Variants in NFIC observed in about 807,000 individuals in gnomAD.
The protein encoded by NFIC is nuclear factor I C.
NFIC carries 12 observed loss-of-function variants against 54.4 expected under a neutral mutation model. The ratio of observed to expected loss-of-function variants is 0.22; its 90% confidence interval spans 0.14 to 0.36. NFIC has a LOEUF of 0.36. Ranked by LOEUF, NFIC falls within the 10% of genes least tolerant of loss-of-function variation. NFIC has a pLI of 1.00. For missense variants in NFIC, 575 were observed against 718.2 expected (o/e 0.80, Z 2.28); for synonymous variants, 322 against 319.2 (o/e 1.01, Z -0.09).
intron 2 of NFIC, among the ~76,000 whole-genome samples, chr19:3,422,000 G>A (rs1167145319): frequency 3.3e-5 from 5 of 152,022 alleles, no homozygotes; most frequent in African/African-American, 1.2e-4. Flanking sequence ...ATAATGGCGC[G>A]ATCTTGGCTC....
Position 3,366,622 on chromosome 19 carries a change from C to A in NFIC, c.-15C>A. The stretch of plus-strand genomic sequence containing the variant: ...GCCCGCTCCGGCCGGCCCTGCGCCT[C>A]CCGCCGCGCCCGGGATGTATTCGTC... On this transcript the variant is annotated 5_prime_UTR_variant, in exon 1 of 11. Coordinates refer to ENST00000443272, the MANE Select transcript of NFIC (RefSeq NM_001245002.2). 6.7e-7 allele frequency: 1 copy of A among 1,501,020 alleles called. No individual in the cohort carries two copies. The highest frequency in any genetic ancestry group is 2.7e-5 in the East Asian group (1 of 36,728). The allele number at this position is 1,501,020 out of a possible 1,614,324, so 93.0% of individuals were successfully genotyped here.
chr19:3,456,850 C>T, intron 10 of NFIC: 1 of 592,856 alleles, frequency 1.7e-6, no homozygotes, highest in Non-Finnish European at 3.0e-6. Context: ...TGGGGTGTGG[C>T]CCCAGACTCA....
chr19:3,434,980 T>A, intron 5 of NFIC, 103 bp from the exon 6 acceptor site: 2 of 1,395,302 alleles, frequency 1.4e-6, no homozygotes, highest in Non-Finnish European at 1.9e-6. Context: ...ACTACCTCCC[T>A]CGCCCCCGCT....
chr19:3,431,846 A>G (rs970439218), intron 3 of NFIC, among the ~76,000 whole-genome samples: 4 of 152,182 alleles, frequency 2.6e-5, no homozygotes, highest in African/African-American at 9.7e-5. Flanking sequence ...TGGCTAGACC[A>G]CGCTGTGTTT....
chr19:3,359,981 G>A (rs866820404), intron 1 of NFIC, among the ~76,000 whole-genome samples: 5 of 149,958 alleles, frequency 3.3e-5, no homozygotes, highest in Middle Eastern at 3.5e-3. Context: ...GAAGGCCCCC[G>A]CAACCCCAGG....
rs1264114806 is a variant in NFIC, at chr19:3,370,129, G to A, written c.30+3463G>A. Reference sequence around the variant, plus strand: ...GCTTGGGGGGTGCCTACCAGGAGCAGGGGGCCTGCAGCCCCTCAGTGCCGG... The same window carrying A: ...GCTTGGGGGGTGCCTACCAGGAGCAAGGGGCCTGCAGCCCCTCAGTGCCGG... On this transcript the variant is annotated intron_variant, in intron 1 of 10. Coordinates refer to ENST00000443272, the MANE Select transcript of NFIC (RefSeq NM_001245002.2). This position sits in a 1 kb window ranked among gnomAD's most constrained non-coding sequence, Gnocchi z 5.2. Among the ~76,000 whole-genome samples, 1 of 152,222 alleles carries A rather than the reference G, an allele frequency of 6.6e-6. No homozygotes were observed. Among genetic ancestry groups the A allele is most frequent in the Admixed American group, 6.5e-5 (1 of 15,286 alleles).
rs991465817 is a variant in NFIC, at chr19:3,418,538, A to G, written c.563-6568A>G. On this transcript the variant is annotated intron_variant, in intron 2 of 10. Transcript: ENST00000443272. ...CAGCAGGTGGTTGAGAACTATTCCC[A>G]GGTTTTAGAGATGATTTAAAATGAG... Among the ~76,000 whole-genome samples, 8 of 152,118 alleles carry G rather than the reference A, an allele frequency of 5.3e-5. No individual in the cohort carries two copies. In the South Asian group the frequency reaches 8.3e-4, roughly 16 times the overall value.
At chr19:3,427,218 G>A (rs1284754880) in intron 3 of NFIC, among the ~76,000 whole-genome samples, 3 of 151,918 alleles carry the variant, frequency 2.0e-5, no homozygotes, top group Admixed American at 6.6e-5. Flanking sequence ...GAGCCACCGC[G>A]CCCAGCCTGG....
chr19:3,446,345 G>A (rs998168291), intron 6 of NFIC, among the ~76,000 whole-genome samples: 1 of 152,070 alleles, frequency 6.6e-6, no homozygotes, highest in African/African-American at 2.4e-5. Context: ...CTTGCCCAGG[G>A]TACTTTTGGT....
chr19:3,382,552 TGTG>T (rs935017174), intron 2 of NFIC, among the ~76,000 whole-genome samples: 2 of 146,300 alleles, frequency 1.4e-5, no homozygotes, highest in Non-Finnish European at 3.0e-5. Context: ...ATAGATGTGA[TGTG>T]GTGGTCCAGG....
intron 3 of NFIC, among the ~76,000 whole-genome samples, chr19:3,428,380 A>C (rs1021812610): frequency 4.7e-5 from 7 of 150,194 alleles, no homozygotes; most frequent in Non-Finnish European, 8.9e-5. Context: ...ACCCAGGAGG[A>C]GGCGGAGGTT....
At chr19:3,381,649 C>T (rs909935879) in intron 1 of NFIC, 63 bp from the exon 2 acceptor site, 256 of 1,482,158 alleles carry the variant, frequency 1.7e-4, no homozygotes, top group Non-Finnish European at 1.1e-4. Flanking sequence ...CCTTCGGGGC[C>T]GGGCAGTGGG....
In NFIC at chr19:3,452,487, G is replaced by A. The variant is rs552912326; in HGVS notation, c.1090G>A (p.Ala364Thr). The change falls in exon 8 of 11, where the codon GCC becomes ACC. Residue 364 changes from alanine (A) to threonine (T), a missense_variant. This residue lies in a region of NFIC where 447 missense variants were observed against 526.9 expected (regional missense o/e 0.85). Coordinates refer to ENST00000443272, the MANE Select transcript of NFIC (RefSeq NM_001245002.2). This position sits in a 1 kb window ranked among gnomAD's most constrained non-coding sequence, Gnocchi z 5.3. ...RPVIAVHSGI[A>T]RSPHPSSALH... Reference sequence around the variant, plus strand: ...GCTTCCCACTGTCTCCGCAGGGATCGCCCGGAGCCCACACCCGTCCTCCGC... The same window carrying A: ...GCTTCCCACTGTCTCCGCAGGGATCACCCGGAGCCCACACCCGTCCTCCGC... 111 of 1,611,308 alleles carry A rather than the reference G, an allele frequency of 6.9e-5. No individual in the cohort carries two copies. In the South Asian group the frequency reaches 9.4e-4, roughly 14 times the overall value.
chr19:3,405,077 G>A (rs1165068960), intron 2 of NFIC, among the ~76,000 whole-genome samples: 4 of 152,252 alleles, frequency 2.6e-5, no homozygotes, highest in Non-Finnish European at 5.9e-5. Flanking sequence ...GGCGGGGGCC[G>A]GGTGGAAAGA....
chr19:3,429,644 T>G (rs1358285607), intron 3 of NFIC, among the ~76,000 whole-genome samples: 1 of 152,072 alleles, frequency 6.6e-6, no homozygotes, highest in African/African-American at 2.4e-5. Context: ...TCTGCAGAAC[T>G]GGACACAGCC....
chr19:3,456,139 G>A (rs551233849), intron 9 of NFIC, among the ~76,000 whole-genome samples: 4 of 152,328 alleles, frequency 2.6e-5, no homozygotes, highest in East Asian at 1.9e-4. Context: ...TGCCCTCTCC[G>A]GGAGGAAGAT....
At chr19:3,399,008 G>A (rs1171395490) in intron 2 of NFIC, among the ~76,000 whole-genome samples, 1 of 152,260 alleles carries the variant, frequency 6.6e-6, no homozygotes, top group Non-Finnish European at 1.5e-5. Flanking sequence ...TCAGCTGAGC[G>A]GAGGACCACG....
At chr19:3,431,676 G>A (rs966587980) in intron 3 of NFIC, among the ~76,000 whole-genome samples, 9 of 151,938 alleles carry the variant, frequency 5.9e-5, no homozygotes, top group African/African-American at 7.2e-5. Flanking sequence ...GCTAATTTTC[G>A]TATTTTTTGT....
chr19:3,449,273 G>A lies in NFIC; in HGVS notation c.1084+134G>A, dbSNP rs1458035645. 3.6e-6 allele frequency: 5 copies of A among 1,372,134 alleles called. No homozygotes were observed. In the African/African-American group the frequency reaches 7.4e-5, roughly 20 times the overall value. 85.0% of individuals were successfully genotyped at this position (1,372,134 alleles called of 1,614,324 possible). On this transcript the variant is annotated intron_variant, in intron 7 of 10. Coordinates refer to ENST00000443272, the MANE Select transcript of NFIC (RefSeq NM_001245002.2). ...CCTTCTAGGTGGGCAAAAAACCATA[G>A]AGGTGCCGTAGTGGAGAGCGCCCAG...
Sources: gnomAD v4.1 joint callset for allele counts (sites outside exome capture counted in the v4.1 genomes callset) on GRCh38, gnomAD v4.1.1 for gene constraint, gnomAD v4.1.1 regional missense constraint, Gnocchi (gnomAD v3.1) non-coding constraint, MANE v1.5 for transcripts, NCBI Gene and HGNC (gene_info 2026-07-23, HGNC 2026-07-21) for gene names.